NUP42: variants seen among roughly 807,000 people sequenced by gnomAD.
The protein encoded by NUP42 is nucleoporin NUP42.
In NUP42, 47 loss-of-function variants were observed where a neutral mutation model predicts 35.9. That is an observed-to-expected ratio of 1.31 (90% CI 1.04 to 1.67). The LOEUF is 1.67. Ranked by LOEUF, NUP42 falls within the 40% of genes most tolerant of loss-of-function variation. The pLI, the probability that NUP42 is intolerant of heterozygous loss-of-function variation, is 0.00. For missense variants in NUP42, 514 were observed against 492.2 expected (o/e 1.04, Z -0.42); for synonymous variants, 173 against 173.3 (o/e 1.00, Z 0.01).
chr7:23,185,267 C>T lies in NUP42; in HGVS notation c.319C>T (p.Pro107Ser), dbSNP rs1314619801. The T allele has an allele frequency of 1.2e-6, 2 of 1,612,836 alleles. No homozygotes were observed. The highest frequency in any genetic ancestry group is 1.7e-6 in the Non-Finnish European group (2 of 1,179,646). The change falls in exon 2 of 7, where the codon CCT becomes TCT. Residue 107 changes from proline (P) to serine (S), a missense_variant. Transcript: ENST00000258742. ...LSENPFASLS[P>S]DEQKDEKKLL... ...TGAGAACCCATTTGCTTCACTTAGT[C>T]CTGATGAGCAGAAAGATGAAAAGAA...
rs1786136996 is a variant in NUP42, at chr7:23,199,544, T to G, written c.694+2T>G. The G allele has an allele frequency of 1.9e-6, 3 of 1,612,622 alleles. No homozygotes were observed. The highest frequency in any genetic ancestry group is 2.5e-6 in the Non-Finnish European group (3 of 1,178,720). ...AAGCAGCAACATTTATGTCGCCAGGTAAGTGATAAAGTAATGCAGGACTTC... is the reference window on the plus strand; with the variant it reads ...AAGCAGCAACATTTATGTCGCCAGGGAAGTGATAAAGTAATGCAGGACTTC... On this transcript the variant is annotated splice_donor_variant, in intron 6 of 6. Coordinates refer to ENST00000258742, the MANE Select transcript of NUP42 (RefSeq NM_007342.3). LOFTEE classifies it high-confidence loss of function.
intron 2 of NUP42, among the ~76,000 whole-genome samples, chr7:23,186,761 C>T (rs1310858502): frequency 6.6e-6 from 1 of 151,882 alleles, no homozygotes; most frequent in Non-Finnish European, 1.5e-5. Context: ...CCAATGATAC[C>T]ATATGATATG....
intron 3 of NUP42, chr7:23,188,276 A>T (rs1159133464): frequency 3.3e-6 from 4 of 1,225,472 alleles, no homozygotes; most frequent in Non-Finnish European, 4.1e-6. Context: ...ATATTTACTG[A>T]ATTTCTTTTG....
rs776370106 is a variant in NUP42 at position 23,185,135 on chromosome 7, T to G, written c.187T>G (p.Phe63Val). The change falls in exon 2 of 7, where the codon TTC becomes GTC. Residue 63 changes from phenylalanine (F) to valine (V), a missense_variant. Coordinates refer to ENST00000258742, the MANE Select transcript of NUP42 (RefSeq NM_007342.3). The stretch of plus-strand genomic sequence containing the variant: ...TTCCAATGTCATCCAGCCATCCAGT[T>G]TCTCCAAATCCACACCATGGGGGGG... ...RYSNVIQPSSFSKSTPWGGSR... is the reference protein window; with the variant it reads ...RYSNVIQPSSVSKSTPWGGSR... The G allele has an allele frequency of 1.2e-6, 2 of 1,614,062 alleles. No individual in the cohort carries two copies. The highest frequency in any genetic ancestry group is 3.3e-5 in the Admixed American group (2 of 59,998).
chr7:23,193,609 C>G (rs1163093140), intron 3 of NUP42, among the ~76,000 whole-genome samples: 2 of 152,190 alleles, frequency 1.3e-5, no homozygotes, highest in African/African-American at 4.8e-5. Context: ...TTACAATCCC[C>G]TAGCTAGACA....
chr7:23,192,273 C>T (rs866523437), intron 3 of NUP42, among the ~76,000 whole-genome samples: 2 of 151,816 alleles, frequency 1.3e-5, no homozygotes, highest in Non-Finnish European at 2.9e-5. Flanking sequence ...GGATCAGGCG[C>T]GGTGGCTCAC....
At position 23,200,158 on chromosome 7, in the gene NUP42, T is replaced by G; in HGVS notation, c.695-10T>G. 2 of 1,509,164 alleles carry G rather than the reference T, an allele frequency of 1.3e-6. No homozygotes were observed. The highest frequency in any genetic ancestry group is 1.8e-6 in the Non-Finnish European group (2 of 1,122,110). The allele number at this position is 1,509,164 out of a possible 1,614,324, so 93.5% of individuals were successfully genotyped here. On this transcript the variant is annotated splice_polypyrimidine_tract_variant and intron_variant, in intron 6 of 6. Transcript: ENST00000258742. ...TTTGTTGTTTTTTTTGTTGTTGTTG[T>G]TGTTTGTAGGCTTTCCAGTCAATAA... is the stretch of plus-strand genomic sequence containing the variant.
intron 1 of NUP42, 64 bp downstream of exon 1, chr7:23,182,270 C>G: frequency 6.5e-7 from 1 of 1,538,104 alleles, no homozygotes; most frequent in Non-Finnish European, 8.8e-7. Context: ...GGGGACCGGG[C>G]GTCCCGCGTG....
At chr7:23,193,229 G>A (rs986462435) in intron 3 of NUP42, among the ~76,000 whole-genome samples, 5 of 152,200 alleles carry the variant, frequency 3.3e-5, no homozygotes, top group African/African-American at 1.2e-4. Flanking sequence ...AACAGCAAAA[G>A]AACGAAGCTT....
chr7:23,194,318 A>G (rs992428425), intron 3 of NUP42: 1 of 154,152 alleles, frequency 6.5e-6, no homozygotes. Flanking sequence ...ATACATATAT[A>G]TGATTAGGAT....
intron 2 of NUP42, among the ~76,000 whole-genome samples, chr7:23,186,320 A>AT (rs200663022): frequency 2.9e-4 from 44 of 151,748 alleles, no homozygotes; most frequent in Non-Finnish European, 5.9e-4. Context: ...TATACAACCG[A>AT]TTTTTTTTTA....
intron 3 of NUP42, among the ~76,000 whole-genome samples, chr7:23,194,020 G>C (rs1785917616): frequency 6.6e-6 from 1 of 152,254 alleles, no homozygotes; most frequent in Non-Finnish European, 1.5e-5. Flanking sequence ...GCAGCTCTGA[G>C]TGTGGGGCCC....
At chr7:23,197,162 G>C in intron 5 of NUP42, 1 of 1,275,004 alleles carries the variant, frequency 7.8e-7, no homozygotes, top group Non-Finnish European at 1.0e-6. Context: ...TATGTTCCTT[G>C]TCTTAAACAG....
In NUP42 at chr7:23,185,270, G is replaced by A. The variant is rs371807982; in HGVS notation, c.322G>A (p.Asp108Asn). 1 of 1,612,542 alleles carries A rather than the reference G, an allele frequency of 6.2e-7. No homozygotes were observed. The highest frequency in any genetic ancestry group is 1.3e-5 in the African/African-American group (1 of 74,866). Residue 108 changes from aspartate to asparagine, a missense_variant, in exon 2 of 7, where the codon GAT becomes AAT. Asp to Asn is a conservative substitution (Grantham distance 23). Coordinates refer to ENST00000258742, the MANE Select transcript of NUP42 (RefSeq NM_007342.3). Reference protein sequence around the residue: ...SENPFASLSPDEQKDEKKLLE... With the variant: ...SENPFASLSPNEQKDEKKLLE... Reference sequence around the variant, plus strand: ...GAACCCATTTGCTTCACTTAGTCCTGATGAGCAGAAAGATGAAAAGAAACT... The same window carrying A: ...GAACCCATTTGCTTCACTTAGTCCTAATGAGCAGAAAGATGAAAAGAAACT...
intron 3 of NUP42, among the ~76,000 whole-genome samples, chr7:23,193,794 C>T (rs1785903044): frequency 6.6e-6 from 1 of 152,214 alleles, no homozygotes; most frequent in Non-Finnish European, 1.5e-5. Context: ...TGGCGCTCCT[C>T]GTGGAGGCTC....
intron 2 of NUP42, 60 bp from the exon 3 acceptor site, chr7:23,186,989 CAAT>C (rs1463015258): frequency 9.1e-7 from 1 of 1,095,880 alleles, no homozygotes; most frequent in African/African-American, 1.6e-5. Context: ...AAACCATTAA[CAAT>C]AAATTTTACC....
At chr7:23,182,742 CAAAAAAAA>C (rs60397960) in intron 1 of NUP42, among the ~76,000 whole-genome samples, 4 of 74,156 alleles carry the variant, frequency 5.4e-5, no homozygotes, top group Non-Finnish European at 7.4e-5. Flanking sequence ...CTAAAAATAC[CAAAAAAAA>C]AAAAAAAAAA....
intron 3 of NUP42, among the ~76,000 whole-genome samples, chr7:23,191,813 CT>C (rs1450517486): frequency 6.6e-6 from 1 of 152,002 alleles, no homozygotes; most frequent in Non-Finnish European, 1.5e-5. Context: ...TGGCGAAACC[CT>C]GTCTCTACCA....
At chr7:23,189,645 G>A (rs1411772636) in intron 3 of NUP42, among the ~76,000 whole-genome samples, 1 of 151,612 alleles carries the variant, frequency 6.6e-6, no homozygotes, top group Middle Eastern at 3.2e-3. Flanking sequence ...GTGCACGGTG[G>A]CTCACACCTG....
Sources: allele counts gnomAD v4.1 joint callset (sites outside exome capture counted in the v4.1 genomes callset), GRCh38; gene constraint gnomAD v4.1.1; transcripts MANE v1.5; gene names NCBI Gene and HGNC (gene_info 2026-07-23, HGNC 2026-07-21).